CUBN: variants seen among roughly 807,000 people sequenced by gnomAD.
CUBN encodes the protein 460 kDa receptor.
CUBN carries 282 observed loss-of-function variants against 405.3 expected under a neutral mutation model. The ratio of observed to expected loss-of-function variants is 0.70; its 90% CI spans 0.63 to 0.77. The LOEUF is 0.77. Among genes scored for constraint, CUBN ranks in the 30% least tolerant of loss-of-function variants. The probability of loss-of-function intolerance (pLI) is 0.00; values close to 1 mark genes in which losing one functional copy is unlikely to be tolerated. For missense variants in CUBN, 4,514 were observed against 4,475.2 expected (o/e 1.01, Z -0.25); for synonymous variants, 1,684 against 1,617.0 (o/e 1.04, Z -0.99).
intron 25 of CUBN, 45 bp downstream of exon 25, chr10:17,044,962 G>T: frequency 1.3e-6 from 2 of 1,562,076 alleles, no homozygotes; most frequent in South Asian, 1.1e-5. Context: ...TGTGCGTTGG[G>T]TGAGATGGGA....
At chr10:16,865,316 C>A (rs1217453616) in intron 59 of CUBN, among the ~76,000 whole-genome samples, 1 of 151,994 alleles carries the variant, frequency 6.6e-6, no homozygotes, top group African/African-American at 2.4e-5. Flanking sequence ...TCATTCTGTC[C>A]TTGTTATATA....
intron 14 of CUBN, among the ~76,000 whole-genome samples, chr10:17,093,051 C>T (rs1836299598): frequency 6.6e-6 from 1 of 152,208 alleles, no homozygotes; most frequent in Admixed American, 6.5e-5. Context: ...ATGTCCCATA[C>T]ACACTCAAGA....
intron 30 of CUBN, 112 bp from the exon 31 acceptor site, chr10:16,982,765 T>C: frequency 1.0e-6 from 1 of 963,386 alleles, no homozygotes. Context: ...AGTTAGTCGA[T>C]GCTAAAAACA....
chr10:16,937,497 A>G (rs2131602138), intron 39 of CUBN, 95 bp downstream of exon 39: 1 of 1,057,502 alleles, frequency 9.5e-7, no homozygotes, highest in African/African-American at 1.6e-5. Flanking sequence ...GGCTGTACTT[A>G]TTTTTATATC....
At position 16,908,805 on chromosome 10, in the gene CUBN, T is replaced by C. The variant is rs189698431; in HGVS notation, c.7534-1126A>G. Among the ~76,000 whole-genome samples the C allele has an allele frequency of 1.1e-3, 167 of 152,012 alleles. 1 individual carries two copies. Among genetic ancestry groups the C allele is most frequent in the Admixed American group, 2.2e-3 (34 of 15,272 alleles). ...TTGAATGACTCAAGATTAGAAATAA[T>C]GACTCAGACTATGGCACTAACAGTT... is the stretch of plus-strand genomic sequence containing the variant. On this transcript the variant is annotated intron_variant, in intron 48 of 66. Coordinates refer to ENST00000377833, the MANE Select transcript of CUBN (RefSeq NM_001081.4).
chr10:16,955,314 A>G (rs960841017), intron 31 of CUBN, among the ~76,000 whole-genome samples: 2 of 139,350 alleles, frequency 1.4e-5, no homozygotes, highest in African/African-American at 2.6e-5. Flanking sequence ...CGGAGGTTGC[A>G]GTGAGCTGAG....
Position 17,085,599 on chromosome 10 carries a change from G to T in CUBN, c.2108C>A (p.Pro703His), listed in dbSNP as rs1373351260. The stretch of plus-strand genomic sequence containing the variant: ...CCCCCAACTGGTAGGTTACTTACAA[G>T]GTGATGTTAAGTAGGTGATATGGAA... ...QGFHITYLTS[P>H]SDLRCGGNYT... Residue 703 changes from proline to histidine, a missense_variant and splice_region_variant, in exon 16 of 67, where the codon CCT becomes CAT. By Grantham distance (77) the Pro-to-His change is moderately conservative. Transcript: ENST00000377833. The T allele has an allele frequency of 6.2e-7, 1 of 1,613,830 alleles. No individual in the cohort carries two copies. Among genetic ancestry groups the T allele is most frequent in the East Asian group, 2.2e-5 (1 of 44,882 alleles).
chr10:16,951,822 C>A (rs3847364), intron 33 of CUBN, among the ~76,000 whole-genome samples: 10 of 151,976 alleles, frequency 6.6e-5, no homozygotes, highest in Non-Finnish European at 1.5e-4. Context: ...TGCATTCTGG[C>A]CCGTGAGTCA....
intron 49 of CUBN, 133 bp downstream of exon 49, chr10:16,907,375 G>A (rs1023985617): frequency 2.0e-5 from 18 of 912,990 alleles, no homozygotes; most frequent in Non-Finnish European, 3.1e-5. Context: ...CTGCTTATGT[G>A]TGTTTGTCTT....
chr10:17,012,237 G>A (rs892342341), intron 28 of CUBN, among the ~76,000 whole-genome samples: 6 of 152,218 alleles, frequency 3.9e-5, no homozygotes, highest in African/African-American at 1.2e-4. Context: ...ATAGCAAGAT[G>A]GCTGCCATGG....
At chr10:17,033,753 G>A (rs80100556) in intron 27 of CUBN, among the ~76,000 whole-genome samples, 3 of 152,142 alleles carry the variant, frequency 2.0e-5, no homozygotes, top group African/African-American at 7.2e-5. Context: ...AGGAACACCT[G>A]CCTTTTACTC....
chr10:17,068,308 C>T (rs1564501968), intron 20 of CUBN, 28 bp from the exon 21 acceptor site: 1 of 1,597,616 alleles, frequency 6.3e-7, no homozygotes, highest in Non-Finnish European at 8.6e-7. Context: ...ATAATTACTG[C>T]AGCAAGTAAC....
intron 59 of CUBN, 68 bp downstream of exon 59, chr10:16,869,562 GGGGGGC>G: frequency 2.0e-6 from 2 of 978,746 alleles, no homozygotes; most frequent in Non-Finnish European, 3.2e-6. Flanking sequence ...GGGGGTGGGG[GGGGGGC>G]GGGGAAATTA....
At chr10:16,879,615 C>A (rs1840611423) in intron 56 of CUBN, among the ~76,000 whole-genome samples, 1 of 152,204 alleles carries the variant, frequency 6.6e-6, no homozygotes. Context: ...AATTCCAAGT[C>A]CCCTGGCCAT....
chr10:16,851,186 T>C (rs1422157816), intron 60 of CUBN, 49 bp downstream of exon 60: 1 of 1,416,658 alleles, frequency 7.1e-7, no homozygotes, highest in African/African-American at 1.4e-5. Context: ...ATACACTATA[T>C]TAGAGTCTGG....
At chr10:17,115,173 G>A (rs2131313606) in intron 7 of CUBN, among the ~76,000 whole-genome samples, 1 of 151,708 alleles carries the variant, frequency 6.6e-6, no homozygotes, top group South Asian at 2.1e-4. Context: ...GAACCTGGGA[G>A]GTGAAGGTTG....
chr10:16,994,927 C>T (rs1833690944), intron 28 of CUBN, among the ~76,000 whole-genome samples: 1 of 152,124 alleles, frequency 6.6e-6, no homozygotes, highest in South Asian at 2.1e-4. Context: ...CCTGTCTCTA[C>T]TAAAAATGCA....
chr10:17,065,782 C>CA, intron 21 of CUBN, 144 bp from the exon 22 acceptor site: 1 of 1,014,764 alleles, frequency 9.9e-7, no homozygotes, highest in Non-Finnish European at 1.5e-6. Flanking sequence ...ATATTTCAGG[C>CA]AAAAAAGATT....
chr10:17,018,663 T>A (rs946010345), intron 28 of CUBN, among the ~76,000 whole-genome samples: 1 of 152,138 alleles, frequency 6.6e-6, no homozygotes, highest in Non-Finnish European at 1.5e-5. Context: ...ATTCCCTTAT[T>A]TGGCCCTGCC....
Sources: gnomAD v4.1 joint callset for allele counts (sites outside exome capture counted in the v4.1 genomes callset) on GRCh38, gnomAD v4.1.1 for gene constraint, MANE v1.5 for transcripts, NCBI Gene and HGNC (gene_info 2026-07-23, HGNC 2026-07-21) for gene names.